Variants in DCHS2 observed in about 807,000 individuals in gnomAD.
DCHS2 encodes the protein protocadherin-23.
Under a neutral mutation model 182.4 loss-of-function variants are expected in DCHS2, and 142 were observed. The ratio of observed to expected loss-of-function variants is 0.78; its 90% CI spans 0.68 to 0.89. The LOEUF (loss-of-function observed/expected upper bound fraction) is 0.89. Ranked by LOEUF, DCHS2 falls within the 40% of genes least tolerant of loss-of-function variation. DCHS2 has a pLI of 0.00. For synonymous variants in DCHS2, 1,740 were observed against 1,663.3 expected (o/e 1.05, Z -1.12); for missense variants, 4,319 against 4,198.6 (o/e 1.03, Z -0.79).
rs201471401 is a variant in DCHS2 at position 154,234,637 on chromosome 4, G to A, written c.10015C>T (p.Pro3339Ser). ...SPSLSLLTMQPPALSPLLREG... is the reference protein window; with the variant it reads ...SPSLSLLTMQSPALSPLLREG... ...CTCAACAGTGGAGACAAGGCAGGAG[G>A]CTGCATCGTCAATAGGGAAAGAGAT... Residue 3339 changes from proline (P) to serine (S), a missense_variant, in exon 20 of 20, where the codon CCT (proline) becomes TCT (serine). By Grantham distance (74) the Pro-to-Ser change is moderately conservative (BLOSUM62 -1). Coordinates refer to ENST00000357232, the MANE Select transcript of DCHS2 (RefSeq NM_001358235.2). The A allele has an allele frequency of 6.2e-7, 1 of 1,614,042 alleles. No individual in the cohort carries two copies. Among genetic ancestry groups the A allele is most frequent in the East Asian group, 2.2e-5 (1 of 44,852 alleles).
intron 1 of DCHS2, among the ~76,000 whole-genome samples, chr4:154,415,837 A>G (rs1358236783): frequency 6.6e-6 from 1 of 152,226 alleles, no homozygotes; most frequent in Non-Finnish European, 1.5e-5. Context: ...AAGGGAATTG[A>G]TGGACAGACT....
chr4:154,304,862 C>T lies in DCHS2; in HGVS notation c.5412G>A (p.Gly1804=). Residue 1804 remains glycine, a synonymous_variant, in exon 12 of 20, where the codon GGG becomes GGA. Transcript: ENST00000357232. ...TGGTGCTGGACAATGAAGGGAATCC[C>T]CCATCTCGTACTAGTACTGACACAG... The part of the protein sequence containing the change: ...VFTLRVLVRD[G]GFPSLSSTTT... 1.9e-6 allele frequency: 3 copies of T among 1,611,822 alleles called. No individual in the cohort carries two copies. The highest frequency in any genetic ancestry group is 2.5e-6 in the Non-Finnish European group (3 of 1,178,976).
chr4:154,355,052 G>A (rs1233394079), intron 3 of DCHS2, among the ~76,000 whole-genome samples: 2 of 151,938 alleles, frequency 1.3e-5, no homozygotes, highest in African/African-American at 4.8e-5. Context: ...GATATTAGAG[G>A]TGCTTGAACC....
intron 10 of DCHS2, among the ~76,000 whole-genome samples, chr4:154,314,677 ATAC>A (rs1002853241): frequency 1.3e-5 from 2 of 152,200 alleles, no homozygotes; most frequent in African/African-American, 4.8e-5. Flanking sequence ...GCTATTATTA[ATAC>A]TATTTCCATA....
intron 1 of DCHS2, among the ~76,000 whole-genome samples, chr4:154,488,171 T>G (rs12644301): frequency 6.6e-6 from 1 of 151,526 alleles, no homozygotes; most frequent in African/African-American, 2.4e-5. Context: ...AAGCAAGACC[T>G]TGTCTCAAAA....
intron 2 of DCHS2, among the ~76,000 whole-genome samples, chr4:154,370,548 AAG>A (rs1394937723): frequency 2.0e-5 from 3 of 152,188 alleles, no homozygotes; most frequent in Non-Finnish European, 4.4e-5. Flanking sequence ...TGCAGGAAAA[AAG>A]AGAAAATCAT....
At chr4:154,365,475 T>C (rs1428469926) in intron 3 of DCHS2, among the ~76,000 whole-genome samples, 1 of 152,058 alleles carries the variant, frequency 6.6e-6, no homozygotes, top group Non-Finnish European at 1.5e-5. Context: ...TGTTACTTTT[T>C]TGTTTTTTTT....
chr4:154,260,739 G>GT lies in DCHS2; in HGVS notation c.6578-984dup, dbSNP rs201093873. The stretch of plus-strand genomic sequence containing the variant: ...ATCATCGCTTTGTTCACCTTCATCT[G>GT]TTTTTTGTCCTATTATTCCTCTTGT... On this transcript the variant is annotated intron_variant, in intron 14 of 19. Coordinates refer to ENST00000357232, the MANE Select transcript of DCHS2 (RefSeq NM_001358235.2). Among the ~76,000 whole-genome samples the GT allele has an allele frequency of 9.6e-3, 1,465 of 152,182 alleles. 9 individuals carry two copies. Among genetic ancestry groups the GT allele is most frequent in the Admixed American group, 0.014 (220 of 15,280 alleles).
intron 1 of DCHS2, among the ~76,000 whole-genome samples, chr4:154,467,195 T>C (rs73854791): frequency 0.01 from 1,552 of 152,316 alleles, 27 homozygotes; most frequent in South Asian, 0.069. Context: ...TATATGTTTA[T>C]GGAGTATATT....
chr4:154,246,228 T>C (rs1477835207), intron 16 of DCHS2, among the ~76,000 whole-genome samples: 1 of 152,190 alleles, frequency 6.6e-6, no homozygotes, highest in East Asian at 1.9e-4. Flanking sequence ...TTTATGTTAT[T>C]TTAAATACAG....
intron 13 of DCHS2, among the ~76,000 whole-genome samples, chr4:154,274,387 T>C (rs182019506): frequency 8.5e-5 from 13 of 152,328 alleles, no homozygotes; most frequent in Admixed American, 8.5e-4. Context: ...CTTTTGTTTC[T>C]AACCCTTTTG....
At chr4:154,410,640 A>G (rs1342538950) in intron 1 of DCHS2, among the ~76,000 whole-genome samples, 1 of 151,596 alleles carries the variant, frequency 6.6e-6, no homozygotes, top group Non-Finnish European at 1.5e-5. Flanking sequence ...ACCAATAAGC[A>G]AACAGACATT....
At position 154,332,603 on chromosome 4, in the gene DCHS2, T is replaced by C; in HGVS notation, c.3605A>G (p.Glu1202Gly). Residue 1202 changes from glutamate (E) to glycine (G), a missense_variant, in exon 5 of 20, where the codon GAG becomes GGG. Transcript: ENST00000357232. ...LHDVLFLKVE[E>G]SPVPQGVIGK... ...TATTACCCCTTGGGGAACAGGGCTC[T>C]CTTCGACTTTCAAAAACAACACATC... is the stretch of plus-strand genomic sequence containing the variant. 6.2e-7 allele frequency: 1 copy of C among 1,614,248 alleles called. No homozygotes were observed. The highest frequency in any genetic ancestry group is 1.1e-5 in the South Asian group (1 of 91,084).
At chr4:154,366,467 CA>C in intron 2 of DCHS2, 26 bp from the exon 3 acceptor site, 17 of 1,536,288 alleles carry the variant, frequency 1.1e-5, no homozygotes, top group Non-Finnish European at 1.5e-5. Flanking sequence ...GTGGTGATTA[CA>C]AATGGGTTTT....
chr4:154,389,026 C>G (rs1258452777), intron 1 of DCHS2, among the ~76,000 whole-genome samples: 1 of 152,008 alleles, frequency 6.6e-6, no homozygotes, highest in Non-Finnish European at 1.5e-5. Flanking sequence ...AAGGGCCGGA[C>G]AGTAAATATT....
chr4:154,424,626 C>G (rs1461069718), intron 1 of DCHS2, among the ~76,000 whole-genome samples: 2 of 152,164 alleles, frequency 1.3e-5, no homozygotes, highest in African/African-American at 4.8e-5. Context: ...CACAAAGGCA[C>G]ACTGTGAAGA....
At chr4:154,425,748 T>G (rs1733298512) in intron 1 of DCHS2, among the ~76,000 whole-genome samples, 1 of 152,214 alleles carries the variant, frequency 6.6e-6, no homozygotes, top group African/African-American at 2.4e-5. Context: ...TAAACAGAGC[T>G]TTTTAAAAGT....
Position 154,320,939 on chromosome 4 carries a change from T to A in DCHS2, c.4460A>T (p.Asn1487Ile). The A allele has an allele frequency of 1.2e-6, 2 of 1,613,944 alleles. No homozygotes were observed. Among genetic ancestry groups the A allele is most frequent in the Non-Finnish European group, 1.7e-6 (2 of 1,179,970 alleles). The change falls in exon 9 of 20, where the codon AAC (asparagine) becomes ATC (isoleucine). Residue 1487 changes from asparagine to isoleucine, a missense_variant. Physicochemically the swap from Asn to Ile is moderately radical, Grantham distance 149. Coordinates refer to ENST00000357232, the MANE Select transcript of DCHS2 (RefSeq NM_001358235.2). The part of the protein sequence containing the change: ...FRVITTDHSK[N>I]LSLSSTVFLS... ...GAAGACTGTGCTACTCAGGGAAAGGTTTTTGCTATGGTCTGTAGTAATCAC... is the reference window on the plus strand; with the variant it reads ...GAAGACTGTGCTACTCAGGGAAAGGATTTTGCTATGGTCTGTAGTAATCAC...
chr4:154,366,256 A>G lies in DCHS2; in HGVS notation c.2430T>C (p.Leu810=). 4 of 1,613,920 alleles carry G rather than the reference A, an allele frequency of 2.5e-6. No homozygotes were observed. In the South Asian group the frequency reaches 4.4e-5, roughly 18 times the overall value. The change falls in exon 3 of 20, where the codon CTT becomes CTC. Residue 810 remains leucine (L), a synonymous_variant. Coordinates refer to ENST00000357232, the MANE Select transcript of DCHS2 (RefSeq NM_001358235.2). The part of the protein sequence containing the change: ...SGIYGTVAYE[L]IPGNVSSLFT... ...AAAGGGACGACACGTTTCCTGGAAT[A>G]AGCTCATAAGCCACTGTCCCATATA... is the stretch of plus-strand genomic sequence containing the variant.
Sources: gnomAD v4.1 joint callset for allele counts (sites outside exome capture counted in the v4.1 genomes callset) on GRCh38, gnomAD v4.1.1 for gene constraint, MANE v1.5 for transcripts, NCBI Gene and HGNC (gene_info 2026-07-23, HGNC 2026-07-21) for gene names.